The following ICA1 variants were observed in gnomAD, a reference collection of about 807,000 sequenced individuals.
ICA1 encodes the protein islet cell autoantigen 1, also known as 69 kDa islet cell autoantigen.
In ICA1, 40 loss-of-function variants were observed where a neutral mutation model predicts 71.0. That is an observed-to-expected ratio of 0.56 (90% CI 0.44 to 0.73). The LOEUF is 0.73. ICA1 is among the 30% of genes least tolerant of loss of function. ICA1 has a pLI of 0.00. For synonymous variants in ICA1, 207 were observed against 209.5 expected (o/e 0.99, Z 0.10); for missense variants, 578 against 576.5 (o/e 1.00, Z -0.03).
chr7:8,237,225 C>G (rs1474655841), intron 1 of ICA1, among the ~76,000 whole-genome samples: 2 of 152,180 alleles, frequency 1.3e-5, no homozygotes, highest in Non-Finnish European at 2.9e-5. Context: ...TAAGTAAGCT[C>G]TGCCCTCCAC....
chr7:8,198,973 C>A lies in ICA1; in HGVS notation c.579+19332G>T, dbSNP rs532551475. On this transcript the variant is annotated intron_variant, in intron 6 of 13. Transcript: ENST00000402384. The stretch of plus-strand genomic sequence containing the variant: ...GACATTTCTCAAGACACAGAAATGG[C>A]AAACAGGCATACAAAAAAGTGCTCA... Among the ~76,000 whole-genome samples, 4 of 152,272 alleles carry A rather than the reference C, an allele frequency of 2.6e-5. No individual in the cohort carries two copies. In the South Asian group the frequency reaches 8.3e-4, roughly 32 times the overall value.
At chr7:8,200,138 A>G (rs1442107513) in intron 6 of ICA1, among the ~76,000 whole-genome samples, 1 of 152,120 alleles carries the variant, frequency 6.6e-6, no homozygotes, top group Non-Finnish European at 1.5e-5. Context: ...ATTATTATGC[A>G]TTGCACGCCT....
rs1787703271 is a variant in ICA1, at chr7:8,123,228, G to T, written c.1330+4645C>A. 6.6e-6 allele frequency among the ~76,000 whole-genome samples: 1 copy of T among 152,176 alleles called. No individual in the cohort carries two copies. Among genetic ancestry groups the T allele is most frequent in the South Asian group, 2.1e-4 (1 of 4,832 alleles). ...TGGACTCTTAGAGCTTAAAGTAGGG[G>T]GAAAAGAGGATATCATTGTTCTCCA... On this transcript the variant is annotated intron_variant, in intron 13 of 13. Coordinates refer to ENST00000402384, the MANE Select transcript of ICA1 (RefSeq NM_001136020.3). This position sits in a 1 kb window ranked among gnomAD's most constrained non-coding sequence, Gnocchi z 4.1.
chr7:8,146,525 C>T (rs1343263342), intron 8 of ICA1, among the ~76,000 whole-genome samples: 2 of 152,112 alleles, frequency 1.3e-5, no homozygotes, highest in Non-Finnish European at 2.9e-5. Context: ...GTTCCATCAT[C>T]ATCTTTTGCT....
chr7:8,175,692 G>T lies in ICA1; in HGVS notation c.580-17040C>A, dbSNP rs567623504. 2.6e-5 allele frequency among the ~76,000 whole-genome samples: 4 copies of T among 152,226 alleles called. No individual in the cohort carries two copies. In the South Asian group the frequency reaches 8.3e-4, roughly 32 times the overall value. On this transcript the variant is annotated intron_variant, in intron 6 of 13. Coordinates refer to ENST00000402384, the MANE Select transcript of ICA1 (RefSeq NM_001136020.3). ...TCTTCAGAAGTTCAGGTTTATACAT[G>T]TTCTGATAACAAAACAAAAATCAAA... is the stretch of plus-strand genomic sequence containing the variant.
At chr7:8,194,387 T>C (rs1271030725) in intron 6 of ICA1, among the ~76,000 whole-genome samples, 2 of 152,238 alleles carry the variant, frequency 1.3e-5, no homozygotes, top group East Asian at 3.8e-4. Context: ...ATAAAAGACG[T>C]TAACATCTTG....
At position 8,114,034 on chromosome 7, in the gene ICA1, C is replaced by G. The variant is rs1167112414; in HGVS notation, c.1341G>C (p.Lys447Asn). 6.8e-6 allele frequency: 11 copies of G among 1,613,992 alleles called. No individual in the cohort carries two copies. Among genetic ancestry groups the G allele is most frequent in the Non-Finnish European group, 9.3e-6 (11 of 1,180,020 alleles). Residue 447 changes from lysine to asparagine, a missense_variant, in exon 14 of 14, where the codon AAG becomes AAC. Lys to Asn is a moderately conservative substitution (Grantham distance 94). Transcript: ENST00000402384. The stretch of plus-strand genomic sequence containing the variant: ...ACCAGGCAGTCAGGTCTGAGGCAGC[C>G]TTAGCAGGTTCTGGGGAGAGAAGAG... Reference protein sequence around the residue: ...DLQASLQEPAKAASDLTAWFS... With the variant: ...DLQASLQEPANAASDLTAWFS...
intron 12 of ICA1, among the ~76,000 whole-genome samples, chr7:8,128,712 A>C (rs1236704012): frequency 1.3e-5 from 2 of 152,224 alleles, no homozygotes; most frequent in Non-Finnish European, 2.9e-5. Context: ...ACTCCATTGC[A>C]TGAAGCAAAG....
At chr7:8,169,862 GTTTTC>G (rs1420754861) in intron 6 of ICA1, among the ~76,000 whole-genome samples, 1 of 149,580 alleles carries the variant, frequency 6.7e-6, no homozygotes, top group Non-Finnish European at 1.5e-5. Flanking sequence ...GATTTACCAA[GTTTTC>G]TTTTATGGTT....
intron 1 of ICA1, among the ~76,000 whole-genome samples, chr7:8,241,453 T>C (rs1338529888): frequency 2.0e-5 from 3 of 152,188 alleles, no homozygotes; most frequent in Non-Finnish European, 4.4e-5. Context: ...TACCAGCCAC[T>C]GCAAAAACAT....
chr7:8,209,802 G>C (rs993493218), intron 6 of ICA1, among the ~76,000 whole-genome samples: 3 of 152,194 alleles, frequency 2.0e-5, no homozygotes, highest in African/African-American at 7.2e-5. Context: ...ACAAAAGAGG[G>C]AGAAGGGAAT....
intron 6 of ICA1, among the ~76,000 whole-genome samples, chr7:8,194,307 C>T (rs1786684303): frequency 6.6e-6 from 1 of 152,130 alleles, no homozygotes; most frequent in Non-Finnish European, 1.5e-5. Context: ...ATGTTAATAT[C>T]AGTGAAAATG....
At chr7:8,203,382 T>G (rs1043466439) in intron 6 of ICA1, among the ~76,000 whole-genome samples, 1 of 152,222 alleles carries the variant, frequency 6.6e-6, no homozygotes, top group Non-Finnish European at 1.5e-5. Context: ...GTCAGATACC[T>G]CTTATTAAAT....
chr7:8,122,823 G>A (rs949249194), intron 13 of ICA1, among the ~76,000 whole-genome samples: 2 of 152,244 alleles, frequency 1.3e-5, no homozygotes, highest in African/African-American at 4.8e-5. Context: ...ATGTTTTTGG[G>A]AATTTGGAAC....
intron 13 of ICA1, among the ~76,000 whole-genome samples, chr7:8,120,190 G>A (rs561004203): frequency 2.6e-5 from 4 of 152,282 alleles, no homozygotes; most frequent in East Asian, 1.9e-4. Context: ...CGTAGTGTGA[G>A]GCAGAAACAA....
chr7:8,186,213 T>C (rs1271533723), intron 6 of ICA1, among the ~76,000 whole-genome samples: 1 of 152,134 alleles, frequency 6.6e-6, no homozygotes, highest in Non-Finnish European at 1.5e-5. Flanking sequence ...GTTTGGCTAA[T>C]GGGATAACAG....
intron 6 of ICA1, among the ~76,000 whole-genome samples, chr7:8,166,550 A>T (rs572014924): frequency 4.6e-5 from 7 of 152,336 alleles, no homozygotes; most frequent in African/African-American, 1.7e-4. Flanking sequence ...TTGAAAGATA[A>T]CCTGGGACAA....
rs964912977 is a variant in ICA1 at position 8,175,323 on chromosome 7, A to C, written c.580-16671T>G. 2.6e-5 allele frequency among the ~76,000 whole-genome samples: 4 copies of C among 152,206 alleles called. 1 individual carries two copies. The East Asian group carries it at 7.7e-4, about 29-fold the overall frequency. ...ACGGTTAATCATCAGTATTTTGCCA[A>C]AAACAAGGAAGATGTGGTTGTCATT... On this transcript the variant is annotated intron_variant, in intron 6 of 13. Coordinates refer to ENST00000402384, the MANE Select transcript of ICA1 (RefSeq NM_001136020.3).
In ICA1 at chr7:8,130,511, C is replaced by G. The variant is rs970288440; in HGVS notation, c.1061-2369G>C. 1.3e-5 allele frequency among the ~76,000 whole-genome samples: 2 copies of G among 152,240 alleles called. No individual in the cohort carries two copies. Among genetic ancestry groups the G allele is most frequent in the Non-Finnish European group, 2.9e-5 (2 of 68,042 alleles). On this transcript the variant is annotated intron_variant, in intron 12 of 13. Coordinates refer to ENST00000402384, the MANE Select transcript of ICA1 (RefSeq NM_001136020.3). This position sits in a 1 kb window ranked among gnomAD's most constrained non-coding sequence, Gnocchi z 4.2. ...TTCAGGTAGGACTGGAATGCCCAAA[C>G]CCTTTCTTATAGTTTACTTTTTGCC...
Sources: allele counts gnomAD v4.1 joint callset (sites outside exome capture counted in the v4.1 genomes callset), GRCh38; gene constraint gnomAD v4.1.1; non-coding constraint Gnocchi (gnomAD v3.1); transcripts MANE v1.5; gene names NCBI Gene and HGNC (gene_info 2026-07-23, HGNC 2026-07-21).